The following PDGFD variants were observed in gnomAD, a reference collection of about 807,000 sequenced individuals.
PDGFD encodes the protein platelet derived growth factor D.
PDGFD carries 30 observed loss-of-function variants against 44.7 expected under a neutral mutation model. The observed-to-expected ratio is 0.67, with a 90% CI of 0.50 to 0.91. The LOEUF is 0.91. PDGFD is among the 40% of genes least tolerant of loss of function. PDGFD has a pLI of 0.00. For missense variants in PDGFD, 445 were observed against 457.8 expected (o/e 0.97, Z 0.25); for synonymous variants, 173 against 168.4 (o/e 1.03, Z -0.21).
chr11:103,936,831 T>G (rs971533410), intron 5 of PDGFD, among the ~76,000 whole-genome samples: 4 of 103,768 alleles, frequency 3.9e-5, no homozygotes, highest in Non-Finnish European at 1.6e-5. Flanking sequence ...TTGTTTTTTG[T>G]TTTTTTTTTT....
intron 1 of PDGFD, among the ~76,000 whole-genome samples, chr11:104,160,301 G>A (rs962012107): frequency 6.6e-6 from 1 of 152,186 alleles, no homozygotes; most frequent in Non-Finnish European, 1.5e-5. Flanking sequence ...ACCAACACCT[G>A]TACTTTCTAC....
chr11:103,966,668 A>G (rs895197040), intron 3 of PDGFD, among the ~76,000 whole-genome samples: 1 of 152,198 alleles, frequency 6.6e-6, no homozygotes, highest in African/African-American at 2.4e-5. Context: ...CTCTTCAAAA[A>G]TAAAAAGGAA....
chr11:103,983,711 A>G lies in PDGFD; in HGVS notation c.510+12354T>C, dbSNP rs577436881. On this transcript the variant is annotated intron_variant, in intron 3 of 6. Transcript: ENST00000393158. ...TATCCAGACTCTATAAGGAACTTAG[A>G]TAAATTTACAAGAAAAAAATAACCC... Among the ~76,000 whole-genome samples, 131 of 151,984 alleles carry G rather than the reference A, an allele frequency of 8.6e-4. 3 individuals carry two copies. Among genetic ancestry groups the G allele is most frequent in the African/African-American group, 3.1e-3 (128 of 41,256 alleles).
rs185237590 is a variant in PDGFD, at chr11:103,985,494, C to G, written c.510+10571G>C. On this transcript the variant is annotated intron_variant, in intron 3 of 6. Transcript: ENST00000393158. ...GGGATTACAGGTGTGAGCTACTGTG[C>G]CTGCCCAAGGGCTAGTGATATTTTT... 2.4e-3 allele frequency among the ~76,000 whole-genome samples: 365 copies of G among 151,720 alleles called. 10 individuals are homozygous for G. Among genetic ancestry groups the G allele is most frequent in the African/African-American group, 8.2e-3 (336 of 41,128 alleles).
intron 5 of PDGFD, among the ~76,000 whole-genome samples, chr11:103,934,573 A>T (rs1858457862): frequency 2.6e-5 from 4 of 152,340 alleles, no homozygotes; most frequent in South Asian, 2.1e-4. Context: ...ACAGTTATGC[A>T]TTGCCTGGGA....
intron 1 of PDGFD, among the ~76,000 whole-genome samples, chr11:104,154,696 C>T (rs962219938): frequency 2.0e-5 from 3 of 151,992 alleles, no homozygotes; most frequent in Admixed American, 1.3e-4. Context: ...GAGTAGTAAA[C>T]GCTATGGAAT....
rs949973112 is a variant in PDGFD, at chr11:103,970,196, G to C, written c.511-22472C>G. Among the ~76,000 whole-genome samples the C allele has an allele frequency of 2.0e-5, 3 of 152,150 alleles. No individual in the cohort carries two copies. In the East Asian group the frequency reaches 5.8e-4, roughly 29 times the overall value. ...ATTAGATATACATCCTCTTTGAGTT[G>C]AGAGAACATATAAATTAGTGAAAAA... On this transcript the variant is annotated intron_variant, in intron 3 of 6. Transcript: ENST00000393158.
chr11:104,108,993 T>C (rs1288958748), intron 1 of PDGFD, among the ~76,000 whole-genome samples: 3 of 145,846 alleles, frequency 2.1e-5, no homozygotes, highest in East Asian at 2.0e-4. Flanking sequence ...TAGGTGGGAA[T>C]TGAACAATGA....
At chr11:104,101,632 C>T (rs988244663) in intron 1 of PDGFD, among the ~76,000 whole-genome samples, 71 of 152,012 alleles carry the variant, frequency 4.7e-4, no homozygotes, top group Non-Finnish European at 7.6e-4. Context: ...AATCCTAAGC[C>T]AAAAGAACAA....
intron 3 of PDGFD, among the ~76,000 whole-genome samples, chr11:103,986,418 T>C (rs567939349): frequency 4.8e-4 from 73 of 152,330 alleles, no homozygotes; most frequent in Non-Finnish European, 2.6e-4. Flanking sequence ...GCTCCCACCC[T>C]TTATGGGCAC....
chr11:104,132,507 T>C (rs923292958), intron 1 of PDGFD, among the ~76,000 whole-genome samples: 1 of 152,086 alleles, frequency 6.6e-6, no homozygotes, highest in Non-Finnish European at 1.5e-5. Context: ...TCTTTCACAG[T>C]GATTTCTTCC....
At chr11:104,016,795 T>G (rs1046559267) in intron 1 of PDGFD, among the ~76,000 whole-genome samples, 3 of 152,192 alleles carry the variant, frequency 2.0e-5, no homozygotes, top group Admixed American at 2.0e-4. Context: ...CTGAACAAGG[T>G]GGTTATAATC....
At position 103,907,428 on chromosome 11, in the gene PDGFD, G is replaced by A. The variant is rs893352863; in HGVS notation, c.*2266C>T. On this transcript the variant is annotated 3_prime_UTR_variant, in exon 7 of 7. Transcript: ENST00000393158. ...TTTGTTTTGAAATGTAATTTGTACG[G>A]CCAGCTTTTTATTCCTTTGATGGCT... The A allele has an allele frequency of 3.9e-5, 6 of 152,170 alleles. No individual in the cohort carries two copies. Among genetic ancestry groups the A allele is most frequent in the African/African-American group, 1.2e-4 (5 of 41,442 alleles). 9.4% of individuals were successfully genotyped at this position (152,170 alleles called of 1,614,324 possible). A position where few individuals can be genotyped will look rare whatever the true frequency, so the allele number is the denominator to read the frequency against.
At chr11:104,118,426 A>G (rs570055070) in intron 1 of PDGFD, among the ~76,000 whole-genome samples, 1 of 151,946 alleles carries the variant, frequency 6.6e-6, no homozygotes, top group South Asian at 2.1e-4. Context: ...TTCCCAGCAT[A>G]CAGCTGTGAG....
chr11:104,078,539 C>T (rs1246160012), intron 1 of PDGFD, among the ~76,000 whole-genome samples: 10 of 54,518 alleles, frequency 1.8e-4, no homozygotes, highest in Admixed American at 1.6e-3. Flanking sequence ...CGTTATATCT[C>T]ATAGGGGCTC....
intron 1 of PDGFD, among the ~76,000 whole-genome samples, chr11:104,008,621 T>C (rs1565309435): frequency 6.6e-6 from 1 of 152,160 alleles, no homozygotes; most frequent in Non-Finnish European, 1.5e-5. Flanking sequence ...CCTTTAAAAC[T>C]AAGTAAAGAC....
In PDGFD at chr11:103,919,583, A is replaced by T. The variant is rs1168341176; in HGVS notation, c.987+7329T>A. Among the ~76,000 whole-genome samples the T allele has an allele frequency of 2.2e-5, 3 of 133,606 alleles. No homozygotes were observed. The East Asian group carries it at 6.9e-4, about 31-fold the overall frequency. 87.7% of individuals were successfully genotyped at this position (133,606 alleles called of 152,430 possible). A position where few individuals can be genotyped will look rare whatever the true frequency, so the allele number is the denominator to read the frequency against. ...GAGTGCAATGGTGTGATCCCGGGTCACTGCAACCTCCACCTCCCGGGTTCA... is the reference window on the plus strand; with the variant it reads ...GAGTGCAATGGTGTGATCCCGGGTCTCTGCAACCTCCACCTCCCGGGTTCA... On this transcript the variant is annotated intron_variant, in intron 6 of 6. Coordinates refer to ENST00000393158, the MANE Select transcript of PDGFD (RefSeq NM_025208.5).
chr11:104,113,589 G>GT (rs34817646), intron 1 of PDGFD, among the ~76,000 whole-genome samples: 18,575 of 141,474 alleles, frequency 0.13, 1,188 homozygotes, highest in East Asian at 0.31. Flanking sequence ...CAACTGCAGT[G>GT]TTTTTTTTTT....
chr11:103,946,787 T>C (rs1355844319), intron 4 of PDGFD, among the ~76,000 whole-genome samples: 1 of 152,208 alleles, frequency 6.6e-6, no homozygotes, highest in Non-Finnish European at 1.5e-5. Flanking sequence ...CAGATGAGGT[T>C]CTAGTCCAGC....
Sources: allele counts gnomAD v4.1 joint callset (sites outside exome capture counted in the v4.1 genomes callset), GRCh38; gene constraint gnomAD v4.1.1; transcripts MANE v1.5; gene names NCBI Gene and HGNC (gene_info 2026-07-23, HGNC 2026-07-21).